Variants in ANGPT1 observed in about 807,000 individuals in gnomAD.
The protein encoded by ANGPT1 is angiopoietin 1.
In ANGPT1, 17 loss-of-function variants were observed where a neutral mutation model predicts 62.2. That is an observed-to-expected ratio of 0.27 (90% CI 0.19 to 0.41). ANGPT1 has a LOEUF of 0.41. Among genes scored for constraint, ANGPT1 ranks in the 10% least tolerant of loss-of-function variants. The pLI is 1.00. For missense variants in ANGPT1, 478 were observed against 594.9 expected (o/e 0.80, Z 2.04); for synonymous variants, 199 against 198.9 (o/e 1.00, Z 0.00).
chr8:107,319,875 T>G (rs1399374822), intron 4 of ANGPT1, among the ~76,000 whole-genome samples: 1 of 151,974 alleles, frequency 6.6e-6, no homozygotes, highest in African/African-American at 2.4e-5. Flanking sequence ...AAAAAGAGAT[T>G]AACAAGAAGC....
At chr8:107,341,913 C>T (rs1032350973) in intron 2 of ANGPT1, among the ~76,000 whole-genome samples, 1 of 152,040 alleles carries the variant, frequency 6.6e-6, no homozygotes, top group Admixed American at 6.6e-5. Flanking sequence ...CTAACAACTG[C>T]TACCAAAATG....
At chr8:107,466,843 C>T (rs932425435) in intron 1 of ANGPT1, among the ~76,000 whole-genome samples, 2 of 151,928 alleles carry the variant, frequency 1.3e-5, no homozygotes, top group Admixed American at 6.6e-5. Flanking sequence ...ACCCAGGAGG[C>T]CGAGGTTGCA....
rs115959003 is a variant in ANGPT1, at chr8:107,358,159, A to G, written c.298-11062T>C. ...TCAATGGAACATATAGTAAGTTTGT[A>G]CAGGCATAAAACTGTCAATGTCATT... On this transcript the variant is annotated intron_variant, in intron 1 of 8. Transcript: ENST00000517746. Among the ~76,000 whole-genome samples the G allele has an allele frequency of 3.8e-3, 586 of 152,346 alleles. 6 individuals are homozygous for G. The highest frequency in any genetic ancestry group is 0.014 in the African/African-American group (564 of 41,588).
chr8:107,428,813 T>C (rs867555178), intron 1 of ANGPT1, among the ~76,000 whole-genome samples: 2 of 152,222 alleles, frequency 1.3e-5, no homozygotes, highest in Non-Finnish European at 2.9e-5. Flanking sequence ...TCTAACCAAA[T>C]TGGCAAAATT....
chr8:107,333,708 G>T (rs762033209), intron 3 of ANGPT1, among the ~76,000 whole-genome samples: 2 of 151,972 alleles, frequency 1.3e-5, no homozygotes, highest in African/African-American at 2.4e-5. Context: ...CCAGAGTGGA[G>T]CTCTTTTGAG....
intron 1 of ANGPT1, among the ~76,000 whole-genome samples, chr8:107,400,618 G>T (rs1175103601): frequency 7.0e-6 from 1 of 142,830 alleles, no homozygotes; most frequent in Non-Finnish European, 1.5e-5. Context: ...GGAGTGCATT[G>T]TCGTGATCTC....
At chr8:107,427,704 T>C (rs1399298152) in intron 1 of ANGPT1, among the ~76,000 whole-genome samples, 1 of 152,238 alleles carries the variant, frequency 6.6e-6, no homozygotes, top group African/African-American at 2.4e-5. Flanking sequence ...AAGCTCTGTA[T>C]GAATGGTGGA....
chr8:107,458,378 G>C (rs1811978680), intron 1 of ANGPT1, among the ~76,000 whole-genome samples: 1 of 152,112 alleles, frequency 6.6e-6, no homozygotes, highest in Non-Finnish European at 1.5e-5. Flanking sequence ...TTTCTCAAAA[G>C]TTCTTAGGAT....
chr8:107,491,673 T>C (rs890685852), intron 1 of ANGPT1, among the ~76,000 whole-genome samples: 4 of 152,040 alleles, frequency 2.6e-5, no homozygotes, highest in African/African-American at 9.7e-5. Flanking sequence ...GTCACTTGAG[T>C]GTCTGGAATG....
intron 1 of ANGPT1, among the ~76,000 whole-genome samples, chr8:107,395,970 A>T (rs1328596504): frequency 6.6e-6 from 1 of 152,162 alleles, no homozygotes; most frequent in Non-Finnish European, 1.5e-5. Context: ...TAGAAAAGAC[A>T]CTTATGTCCT....
chr8:107,468,226 G>T (rs1250322657), intron 1 of ANGPT1, among the ~76,000 whole-genome samples: 1 of 152,062 alleles, frequency 6.6e-6, no homozygotes, highest in African/African-American at 2.4e-5. Context: ...TGCTCATTGG[G>T]AGGTGGGGCT....
At chr8:107,391,826 A>T (rs1563601709) in intron 1 of ANGPT1, among the ~76,000 whole-genome samples, 2 of 152,214 alleles carry the variant, frequency 1.3e-5, no homozygotes, top group Non-Finnish European at 2.9e-5. Context: ...TGAATATGGT[A>T]GGCAATTGTA....
At chr8:107,362,162 A>G (rs1191664593) in intron 1 of ANGPT1, among the ~76,000 whole-genome samples, 2 of 152,222 alleles carry the variant, frequency 1.3e-5, no homozygotes, top group Non-Finnish European at 2.9e-5. Flanking sequence ...ACACATTTCA[A>G]TGAGCATTTA....
chr8:107,472,179 T>C (rs896101967), intron 1 of ANGPT1, among the ~76,000 whole-genome samples: 6 of 152,114 alleles, frequency 3.9e-5, no homozygotes, highest in African/African-American at 1.4e-4. Context: ...TTCTGTAGTA[T>C]TGTCATAACA....
chr8:107,327,589 T>C (rs1815318772), intron 3 of ANGPT1, among the ~76,000 whole-genome samples: 1 of 152,112 alleles, frequency 6.6e-6, no homozygotes, highest in African/African-American at 2.4e-5. Flanking sequence ...ACAAACAGTT[T>C]TTATTAAGAT....
At chr8:107,252,252 C>G (rs1813263041) in intron 8 of ANGPT1, among the ~76,000 whole-genome samples, 1 of 152,140 alleles carries the variant, frequency 6.6e-6, no homozygotes, top group Non-Finnish European at 1.5e-5. Flanking sequence ...AAGCAGCTTT[C>G]AGTGTGACTC....
At chr8:107,464,529 T>C (rs1281525068) in intron 1 of ANGPT1, among the ~76,000 whole-genome samples, 1 of 152,136 alleles carries the variant, frequency 6.6e-6, no homozygotes, top group Non-Finnish European at 1.5e-5. Context: ...GATAATACTA[T>C]GATCAAAGCC....
chr8:107,497,151 C>T, intron 1 of ANGPT1, 111 bp downstream of exon 1: 1 of 1,281,320 alleles, frequency 7.8e-7, no homozygotes, highest in Non-Finnish European at 1.1e-6. Context: ...AACACTGCCC[C>T]CCTGGAGCAA....
chr8:107,350,975 A>G (rs1443626960), intron 1 of ANGPT1, among the ~76,000 whole-genome samples: 1 of 152,152 alleles, frequency 6.6e-6, no homozygotes, highest in African/African-American at 2.4e-5. Context: ...GATTGTCTTC[A>G]TATATTCCCT....
Sources: allele counts gnomAD v4.1 joint callset (sites outside exome capture counted in the v4.1 genomes callset), GRCh38; gene constraint gnomAD v4.1.1; transcripts MANE v1.5; gene names NCBI Gene and HGNC (gene_info 2026-07-23, HGNC 2026-07-21).